Variants in IL22RA1 observed in about 807,000 individuals in gnomAD.
IL22RA1 encodes the protein interleukin 22 receptor subunit alpha 1.
IL22RA1 carries 25 observed loss-of-function variants against 32.8 expected under a neutral mutation model. The ratio of observed to expected loss-of-function variants is 0.76; its 90% CI spans 0.55 to 1.06. The LOEUF (loss-of-function observed/expected upper bound fraction) is 1.06, where lower values mean the gene tolerates loss of function less well. Among genes scored for constraint, IL22RA1 ranks in the 50% least tolerant of loss-of-function variants. IL22RA1 has a pLI of 0.00. For synonymous variants in IL22RA1, 305 were observed against 305.0 expected (o/e 1.00, Z 0.00); for missense variants, 709 against 727.4 (o/e 0.97, Z 0.29).
At chr1:24,137,795 G>T in intron 2 of IL22RA1, among the ~76,000 whole-genome samples, 1 of 152,142 alleles carries the variant, frequency 6.6e-6, no homozygotes, top group East Asian at 1.9e-4. Flanking sequence ...GAGATTATAG[G>T]TGTGAGCCAC....
At chr1:24,131,183 C>G (rs1226213199) in intron 4 of IL22RA1, among the ~76,000 whole-genome samples, 1 of 152,040 alleles carries the variant, frequency 6.6e-6, no homozygotes, top group Non-Finnish European at 1.5e-5. Flanking sequence ...TGAATTATCT[C>G]AAAAACATTT....
At chr1:24,141,494 G>A (rs1243169420) in intron 1 of IL22RA1, among the ~76,000 whole-genome samples, 4 of 152,198 alleles carry the variant, frequency 2.6e-5, no homozygotes, top group Non-Finnish European at 5.9e-5. Context: ...TGGGTTGCAA[G>A]GAGGCTGGTG....
chr1:24,121,052 T>G lies in IL22RA1; in HGVS notation c.1478A>C (p.Lys493Thr), dbSNP rs752026789. The change falls in exon 7 of 7, where the codon AAG (lysine) becomes ACG (threonine). Residue 493 changes from lysine to threonine, a missense_variant. Transcript: ENST00000270800. Reference protein sequence around the residue: ...SGEEGTPQYLKGQLPLLSSVQ... With the variant: ...SGEEGTPQYLTGQLPLLSSVQ... ...TGAGGAGAGGAGGGGGAGCTGGCCC[T>G]TTAGGTACTGTGGTGTCCCTTCCTC... 1.9e-6 allele frequency: 3 copies of G among 1,614,174 alleles called. No homozygotes were observed. The highest frequency in any genetic ancestry group is 2.5e-6 in the Non-Finnish European group (3 of 1,180,004).
At chr1:24,133,140 T>C (rs926209825) in intron 4 of IL22RA1, among the ~76,000 whole-genome samples, 1 of 151,452 alleles carries the variant, frequency 6.6e-6, no homozygotes, top group African/African-American at 2.4e-5. Context: ...TACCAATTTC[T>C]GTGGCATGCC....
intron 5 of IL22RA1, among the ~76,000 whole-genome samples, chr1:24,127,929 T>C (rs1025256019): frequency 6.6e-6 from 1 of 152,178 alleles, no homozygotes; most frequent in Non-Finnish European, 1.5e-5. Flanking sequence ...AATCCAGACA[T>C]AGGCTGGAGG....
rs1644248348 is a variant in IL22RA1 at position 24,137,202 on chromosome 1, C to T, written c.284G>A (p.Arg95Lys). ...GCCTCCCGCACTGACAGCGGTGACC[C>T]TGGCATAGTAGAGCTCCGTGAGGTT... Reference protein sequence around the residue: ...TGNLTELYYARVTAVSAGGRS... With the variant: ...TGNLTELYYAKVTAVSAGGRS... Residue 95 changes from arginine to lysine, a missense_variant, in exon 3 of 7, where the codon AGG (arginine) becomes AAG (lysine). Arg to Lys is a conservative substitution (Grantham distance 26). Coordinates refer to ENST00000270800, the MANE Select transcript of IL22RA1 (RefSeq NM_021258.4). 4 of 1,614,056 alleles carry T rather than the reference C, an allele frequency of 2.5e-6. No homozygotes were observed. In the South Asian group the frequency reaches 3.3e-5, roughly 13 times the overall value.
Position 24,134,231 on chromosome 1 carries a change from C to G in IL22RA1, c.511G>C (p.Val171Leu), listed in dbSNP as rs147757191. 6 of 1,611,344 alleles carry G rather than the reference C, an allele frequency of 3.7e-6. No individual in the cohort carries two copies. Among genetic ancestry groups the G allele is most frequent in the Non-Finnish European group, 3.4e-6 (4 of 1,178,702 alleles). Residue 171 changes from valine (V) to leucine (L), a missense_variant, in exon 4 of 7, where the codon GTC (valine) becomes CTC (leucine). By Grantham distance (32) the Val-to-Leu change is conservative. Transcript: ENST00000270800. ...CTCACCATTTGGTAGGTGCGGTTGA[C>G]CTGGAGCTCTAAGTGGTAGAACAGG... ...HDLFYHLELQ[V>L]NRTYQMHLGG...
At chr1:24,132,332 T>TG (rs1644210973) in intron 4 of IL22RA1, among the ~76,000 whole-genome samples, 2 of 137,298 alleles carry the variant, frequency 1.5e-5, no homozygotes, top group African/African-American at 2.9e-5. Flanking sequence ...TTTGTGTGTG[T>TG]GTTTTTTTTT....
chr1:24,142,199 C>A (rs1043582397), intron 1 of IL22RA1, among the ~76,000 whole-genome samples: 1 of 152,194 alleles, frequency 6.6e-6, no homozygotes, highest in Non-Finnish European at 1.5e-5. Context: ...GCAGCCCTGG[C>A]GGGACAGTGG....
At chr1:24,131,090 C>A (rs540519126) in intron 4 of IL22RA1, among the ~76,000 whole-genome samples, 1 of 152,028 alleles carries the variant, frequency 6.6e-6, no homozygotes, top group East Asian at 1.9e-4. Context: ...TAGAAAATCT[C>A]AGTAGAATAT....
intron 6 of IL22RA1, among the ~76,000 whole-genome samples, 187 bp downstream of exon 6, chr1:24,123,115 A>G (rs192584656): frequency 2.6e-5 from 4 of 152,232 alleles, no homozygotes; most frequent in African/African-American, 4.8e-5. Context: ...CCCCACTTCA[A>G]TGTGTCCTGA....
At chr1:24,136,994 T>TC in intron 3 of IL22RA1, 137 bp downstream of exon 3, 1 of 777,718 alleles carries the variant, frequency 1.3e-6, no homozygotes, top group South Asian at 2.0e-5. Flanking sequence ...AAAAGCCACA[T>TC]CCCCAGCTGC....
rs751761313 is a variant in IL22RA1, at chr1:24,121,467, C to T, written c.1063G>A (p.Ala355Thr). Residue 355 changes from alanine (A) to threonine (T), a missense_variant, in exon 7 of 7, where the codon GCT becomes ACT. Ala to Thr is a moderately conservative substitution (Grantham distance 58, BLOSUM62 0). Transcript: ENST00000270800. ...ILSPLSYAPN[A>T]APEVGPPSYA... ...GATGGGGGCCCGACCTCAGGGGCAG[C>T]GTTTGGGGCATAGGACAGTGGGGAG... The T allele has an allele frequency of 1.3e-5, 20 of 1,546,312 alleles. No homozygotes were observed. The highest frequency in any genetic ancestry group is 1.7e-4 in the Middle Eastern group (1 of 5,726).
chr1:24,142,122 C>T (rs1323414299), intron 1 of IL22RA1, among the ~76,000 whole-genome samples: 3 of 152,170 alleles, frequency 2.0e-5, no homozygotes, highest in Non-Finnish European at 4.4e-5. Flanking sequence ...CTTCCTGGAA[C>T]GCCCAGCTTG....
intron 1 of IL22RA1, 104 bp from the exon 2 acceptor site, chr1:24,138,818 G>A: frequency 7.1e-7 from 1 of 1,404,212 alleles, no homozygotes; most frequent in African/African-American, 1.4e-5. Flanking sequence ...CATGCAAAGT[G>A]CCTTTGCTTT....
chr1:24,121,717 A>G lies in IL22RA1; in HGVS notation c.813T>C (p.Thr271=). 1 of 1,551,664 alleles carries G rather than the reference A, an allele frequency of 6.4e-7. No homozygotes were observed. ...CCTGGATGAAGCGCAGCGGCTGGAA[A>G]GTCAGGACTCGCTGGACGTTCTGTG... ...PNSLNVQRVL[T]FQPLRFIQEH... is the part of the protein sequence containing the mutation. The change falls in exon 7 of 7, where the codon ACT becomes ACC. Residue 271 remains threonine, a synonymous_variant. Transcript: ENST00000270800.
At position 24,120,938 on chromosome 1, in the gene IL22RA1, C is replaced by A. The variant is rs763566860; in HGVS notation, c.1592G>T (p.Gly531Val). ...GGGACACACAAGGGACTCCAGCAGG[C>A]CCCAGGGACTTGGACCTTGGTCCGA... Reference protein sequence around the residue: ...SPSDQGPSPWGLLESLVCPKD... With the variant: ...SPSDQGPSPWVLLESLVCPKD... The change falls in exon 7 of 7, where the codon GGC becomes GTC. Residue 531 changes from glycine (G) to valine (V), a missense_variant. Physicochemically the swap from Gly to Val is moderately radical, Grantham distance 109. Transcript: ENST00000270800. 7 of 1,614,066 alleles carry A rather than the reference C, an allele frequency of 4.3e-6. No homozygotes were observed. The East Asian group carries it at 1.1e-4, about 26-fold the overall frequency.
chr1:24,139,616 C>T (rs1468015228), intron 1 of IL22RA1, among the ~76,000 whole-genome samples: 1 of 152,190 alleles, frequency 6.6e-6, no homozygotes, highest in African/African-American at 2.4e-5. Flanking sequence ...TCACTGCAGC[C>T]TCGACTTCCT....
rs1234713676 is a variant in IL22RA1, at chr1:24,120,061, C to T, written c.*744G>A. On this transcript the variant is annotated 3_prime_UTR_variant, in exon 7 of 7. Coordinates refer to ENST00000270800, the MANE Select transcript of IL22RA1 (RefSeq NM_021258.4). ...GTACCCGTCCAGGGGCCACAGCCCTCACCTTCCTTTCAAACCCCATTCTCA... is the reference window on the plus strand; with the variant it reads ...GTACCCGTCCAGGGGCCACAGCCCTTACCTTCCTTTCAAACCCCATTCTCA... 1 of 152,286 alleles carries T rather than the reference C, an allele frequency of 6.6e-6. No homozygotes were observed. The highest frequency in any genetic ancestry group is 2.4e-5 in the African/African-American group (1 of 41,470). The allele number at this position is 152,286 out of a possible 1,614,324, so 9.4% of individuals were successfully genotyped here. A position where few individuals can be genotyped will look rare whatever the true frequency, so the allele number is the denominator to read the frequency against.
Sources: allele counts gnomAD v4.1 joint callset (sites outside exome capture counted in the v4.1 genomes callset), GRCh38; gene constraint gnomAD v4.1.1; transcripts MANE v1.5; gene names NCBI Gene and HGNC (gene_info 2026-07-23, HGNC 2026-07-21).